PASK: variants seen among roughly 807,000 people sequenced by gnomAD.
The protein encoded by PASK is PAS domain-containing serine/threonine-protein kinase.
PASK carries 110 observed loss-of-function variants against 121.0 expected under a neutral mutation model. The ratio of observed to expected loss-of-function variants is 0.91; its 90% CI spans 0.78 to 1.06. PASK has a LOEUF of 1.06. PASK is among the 50% of genes least tolerant of loss of function. The pLI, the probability that PASK is intolerant of heterozygous loss-of-function variation, is 0.00. For missense variants in PASK, 1,643 were observed against 1,702.3 expected (o/e 0.97, Z 0.61); for synonymous variants, 686 against 717.8 (o/e 0.96, Z 0.71).
chr2:241,125,913 G>A (rs2065836684), intron 10 of PASK, among the ~76,000 whole-genome samples: 1 of 152,188 alleles, frequency 6.6e-6, no homozygotes, highest in African/African-American at 2.4e-5. Context: ...CTGCTGGGAG[G>A]AGCGGCTCTC....
chr2:241,133,455 C>T (rs560904704), intron 8 of PASK: 2 of 301,812 alleles, frequency 6.6e-6, no homozygotes, highest in South Asian at 6.2e-5. Context: ...AAATGCTGTA[C>T]CTGGGTATCT....
chr2:241,128,022 G>A (rs921124015), intron 9 of PASK, among the ~76,000 whole-genome samples: 2 of 152,280 alleles, frequency 1.3e-5, no homozygotes, highest in Non-Finnish European at 2.9e-5. Flanking sequence ...GCTCACGCCT[G>A]TAATCCCAGC....
chr2:241,125,761 G>C (rs78164567), intron 10 of PASK, among the ~76,000 whole-genome samples: 3,519 of 152,242 alleles, frequency 0.023, 295 homozygotes, highest in East Asian at 0.23. Context: ...CACGGAAGAA[G>C]AACACGTGAG....
intron 12 of PASK, chr2:241,118,932 C>G (rs1221264373): frequency 9.7e-7 from 1 of 1,036,206 alleles, no homozygotes; most frequent in Admixed American, 5.0e-5. Flanking sequence ...GTCCCAGCAC[C>G]CCAGTGAGTA....
rs2065743322 is a variant in PASK at position 241,124,015 on chromosome 2, G to T, written c.2838C>A (p.Phe946Leu). Residue 946 changes from phenylalanine to leucine, a missense_variant, in exon 11 of 18, where the codon TTC becomes TTA. By Grantham distance (22) the Phe-to-Leu change is conservative. Transcript: ENST00000234040. ...GGGTGGAGCCGGGCAGGCTGGCAAG[G>T]AACAGGCGGGTCCTGGCGGCTGAGT... ...QRDSAARTRL[F>L]LASLPGSTHS... The T allele has an allele frequency of 1.2e-6, 2 of 1,613,872 alleles. No individual in the cohort carries two copies. Among genetic ancestry groups the T allele is most frequent in the African/African-American group, 1.3e-5 (1 of 74,910 alleles).
At chr2:241,107,527 G>C (rs764864658) in intron 16 of PASK, 28 bp from the exon 17 acceptor site, 4 of 1,611,140 alleles carry the variant, frequency 2.5e-6, no homozygotes, top group Admixed American at 3.3e-5. Context: ...ACAGATGGTA[G>C]GTCCAGATTG....
Position 241,112,292 on chromosome 2 carries a change from TATAAA to T in PASK, c.3476_3480del (p.Phe1159TyrfsTer39). On this transcript the variant is annotated frameshift_variant, in exon 15 of 18. Coordinates refer to ENST00000234040, the MANE Select transcript of PASK (RefSeq NM_015148.4). LOFTEE classifies it high-confidence loss of function. This position sits in a 1 kb window ranked among gnomAD's most constrained non-coding sequence, Gnocchi z 5.2. ...CAGTACTCGATGGTCCCACAAAAAG[TATAAA>T]ATAATTTTCCCCTTTCCAAGTAGGC... 1 of 1,613,748 alleles carries T rather than the reference TATAAA, an allele frequency of 6.2e-7. No individual in the cohort carries two copies. Among genetic ancestry groups the T allele is most frequent in the Non-Finnish European group, 8.5e-7 (1 of 1,179,838 alleles).
In PASK at chr2:241,142,859, G is replaced by A. The variant is rs748626286; in HGVS notation, c.174C>T (p.Cys58=). The change falls in exon 2 of 18, where the codon TGC becomes TGT. Residue 58 remains cysteine (C), a synonymous_variant. Coordinates refer to ENST00000234040, the MANE Select transcript of PASK (RefSeq NM_015148.4). The part of the protein sequence containing the change: ...LSRRNGLSRL[C]QSRTALSEDR... Reference sequence around the variant, plus strand: ...TACCAGAGAGCGCTGTCCTGCTCTGGCAGAGTCTGGAAAGCCCATTCCTTC... The same window carrying A: ...TACCAGAGAGCGCTGTCCTGCTCTGACAGAGTCTGGAAAGCCCATTCCTTC... 3.7e-6 allele frequency: 6 copies of A among 1,613,388 alleles called. No homozygotes were observed. In the East Asian group the frequency reaches 1.3e-4, roughly 36 times the overall value.
At chr2:241,113,440 T>TTATACATA (rs2065192157) in intron 14 of PASK, 1 of 113,322 alleles carries the variant, frequency 8.8e-6, no homozygotes, top group South Asian at 2.6e-4. Flanking sequence ...ATACATACAT[T>TTATACATA]TAGATACATA....
rs368410968 is a variant in PASK, at chr2:241,122,905, A to G, written c.2905-6T>C. 19 of 1,613,472 alleles carry G rather than the reference A, an allele frequency of 1.2e-5. No individual in the cohort carries two copies. In the African/African-American group the frequency reaches 1.5e-4, roughly 12 times the overall value. ...CAGGGTCTGGCTCTGAGCACCTGCA[A>G]TGCAGAAGAAGGTCTGTGGGGTCAC... On this transcript the variant is annotated splice_region_variant and splice_polypyrimidine_tract_variant and intron_variant, in intron 11 of 17. Coordinates refer to ENST00000234040, the MANE Select transcript of PASK (RefSeq NM_015148.4).
chr2:241,146,916 A>C (rs558354425), intron 1 of PASK, among the ~76,000 whole-genome samples: 39 of 152,262 alleles, frequency 2.6e-4, no homozygotes, highest in African/African-American at 9.4e-4. Context: ...TGATACGGCC[A>C]AAAAATTCAG....
chr2:241,123,780 T>C (rs941556793), intron 11 of PASK, among the ~76,000 whole-genome samples, 169 bp downstream of exon 11: 13 of 150,072 alleles, frequency 8.7e-5, no homozygotes, highest in African/African-American at 3.2e-4. Context: ...AAAGCACCAT[T>C]GCACTCCAGC....
chr2:241,143,409 G>T (rs2066804470), intron 1 of PASK, among the ~76,000 whole-genome samples: 1 of 152,054 alleles, frequency 6.6e-6, no homozygotes, highest in Non-Finnish European at 1.5e-5. Context: ...AAATTAGCCG[G>T]GCATGGTGGC....
chr2:241,148,028 G>A (rs1036335741), intron 1 of PASK, among the ~76,000 whole-genome samples: 5 of 152,142 alleles, frequency 3.3e-5, no homozygotes, highest in Non-Finnish European at 7.3e-5. Flanking sequence ...AACAGAGTCT[G>A]GCTTCACATG....
rs543543444 is a variant in PASK at position 241,144,923 on chromosome 2, C to G, written c.-42-1849G>C. ...AGAGCTTCTCCCTGTTTGTTTGTTTCTTTTTTTTGAGACAGAGTCTCGCTG... is the reference window on the plus strand; with the variant it reads ...AGAGCTTCTCCCTGTTTGTTTGTTTGTTTTTTTTGAGACAGAGTCTCGCTG... On this transcript the variant is annotated intron_variant, in intron 1 of 17. Coordinates refer to ENST00000234040, the MANE Select transcript of PASK (RefSeq NM_015148.4). Among the ~76,000 whole-genome samples the G allele has an allele frequency of 4.6e-5, 7 of 152,150 alleles. No homozygotes were observed. In the East Asian group the frequency reaches 1.2e-3, roughly 25 times the overall value.
At chr2:241,148,743 A>T (rs1040484855) in intron 1 of PASK, among the ~76,000 whole-genome samples, 1 of 152,244 alleles carries the variant, frequency 6.6e-6, no homozygotes, top group African/African-American at 2.4e-5. Context: ...ACAGTAATCC[A>T]GGCAAGAAAT....
chr2:241,130,196 T>C (rs993653816), intron 9 of PASK, among the ~76,000 whole-genome samples: 10 of 152,252 alleles, frequency 6.6e-5, no homozygotes, highest in Non-Finnish European at 1.2e-4. Context: ...AATGCTTATT[T>C]GTTGAATAAG....
intron 12 of PASK, among the ~76,000 whole-genome samples, chr2:241,119,941 A>G (rs2065535928): frequency 6.6e-6 from 1 of 152,200 alleles, no homozygotes; most frequent in Admixed American, 6.5e-5. Context: ...TTGTGTACAC[A>G]TGTAAATTTT....
Position 241,107,468 on chromosome 2 carries a change from C to T in PASK, c.3699G>A (p.Gln1233=), listed in dbSNP as rs777555694. The T allele has an allele frequency of 6.2e-7, 1 of 1,614,124 alleles. No homozygotes were observed. The highest frequency in any genetic ancestry group is 2.2e-5 in the East Asian group (1 of 44,878). The part of the protein sequence containing the change: ...ELMSLVSGLL[Q]PVPERRTTLE... ...AGGTGGTGCGTCTCTCAGGGACTGG[C>T]TGCAGCAGCCCAGACACAAGGCTCA... Residue 1233 remains glutamine (Q), a synonymous_variant, in exon 17 of 18, where the codon CAG becomes CAA. Transcript: ENST00000234040.
Sources: gnomAD v4.1 joint callset for allele counts (sites outside exome capture counted in the v4.1 genomes callset) on GRCh38, gnomAD v4.1.1 for gene constraint, Gnocchi (gnomAD v3.1) non-coding constraint, MANE v1.5 for transcripts, NCBI Gene and HGNC (gene_info 2026-07-23, HGNC 2026-07-21) for gene names.